Variants in ATP6V1G1 observed in about 807,000 individuals in gnomAD.
The protein encoded by ATP6V1G1 is ATPase H+ transporting V1 subunit G1.
A neutral mutation model predicts 14.2 loss-of-function variants in ATP6V1G1; 14 were observed. That is an observed-to-expected ratio of 0.99 (90% CI 0.65 to 1.55). The LOEUF (loss-of-function observed/expected upper bound fraction) is 1.55. Among genes scored for constraint, ATP6V1G1 ranks in the 40% most tolerant of loss-of-function variants. The pLI is 0.00. For missense variants in ATP6V1G1, 137 were observed against 146.4 expected (o/e 0.94, Z 0.33); for synonymous variants, 65 against 53.3 (o/e 1.22, Z -0.96).
intron 2 of ATP6V1G1, among the ~76,000 whole-genome samples, chr9:114,594,739 C>T (rs1464011218): frequency 6.6e-6 from 1 of 152,054 alleles, no homozygotes; most frequent in East Asian, 1.9e-4. Context: ...TAGGAGGTCC[C>T]AATGACATGT....
rs1367483623 is a variant in ATP6V1G1, at chr9:114,587,833, G to T, written c.-6G>T. The T allele has an allele frequency of 1.3e-6, 2 of 1,584,908 alleles. No individual in the cohort carries two copies. The highest frequency in any genetic ancestry group is 1.2e-5 in the South Asian group (1 of 86,762). ...CGCTTGCCTTGCTCTCAGAATCGCTGCCGCCATGGCTAGTCAGTCTCAGGG... is the reference window on the plus strand; with the variant it reads ...CGCTTGCCTTGCTCTCAGAATCGCTTCCGCCATGGCTAGTCAGTCTCAGGG... On this transcript the variant is annotated 5_prime_UTR_variant, in exon 1 of 3. Transcript: ENST00000374050.
At chr9:114,594,984 C>T (rs904629250) in intron 2 of ATP6V1G1, among the ~76,000 whole-genome samples, 1 of 150,786 alleles carries the variant, frequency 6.6e-6, no homozygotes, top group Non-Finnish European at 1.5e-5. Context: ...CTCAGCCTCC[C>T]AAGTAGCTGG....
intron 2 of ATP6V1G1, among the ~76,000 whole-genome samples, chr9:114,593,335 C>T (rs1845202992): frequency 6.6e-6 from 1 of 152,108 alleles, no homozygotes; most frequent in South Asian, 2.1e-4. Context: ...AAATAATATG[C>T]TCAGGACTTT....
intron 1 of ATP6V1G1, 74 bp from the exon 2 acceptor site, chr9:114,592,478 A>T: frequency 7.3e-7 from 1 of 1,368,184 alleles, no homozygotes; most frequent in Non-Finnish European, 1.0e-6. Flanking sequence ...TTATTGTTAT[A>T]ATATACCATC....
In ATP6V1G1 at chr9:114,587,936, G is replaced by A. The variant is rs764607331; in HGVS notation, c.82+16G>A. On this transcript the variant is annotated intron_variant, in intron 1 of 2. Coordinates refer to ENST00000374050, the MANE Select transcript of ATP6V1G1 (RefSeq NM_004888.4). ...GCCCGCAAAAGTGAGTTTCAGGGTG[G>A]GGCTGCCCGGCGTGGCGCGAGTCGA... 1.9e-6 allele frequency: 3 copies of A among 1,561,380 alleles called. No individual in the cohort carries two copies. Among genetic ancestry groups the A allele is most frequent in the African/African-American group, 2.7e-5 (2 of 73,870 alleles).
intron 2 of ATP6V1G1, among the ~76,000 whole-genome samples, chr9:114,596,229 GA>G (rs1017386495): frequency 6.6e-6 from 1 of 151,040 alleles, no homozygotes; most frequent in Non-Finnish European, 1.5e-5. Context: ...TAAAAACACA[GA>G]AAAAAAAATT....
Position 114,597,679 on chromosome 9 carries a change from A to T in ATP6V1G1, c.293A>T (p.Asn98Ile). The change falls in exon 3 of 3, where the codon AAC becomes ATC. Residue 98 changes from asparagine to isoleucine, a missense_variant. Coordinates refer to ENST00000374050, the MANE Select transcript of ATP6V1G1 (RefSeq NM_004888.4). The stretch of plus-strand genomic sequence containing the variant: ...CAGAACAGGGATGAAGTCTTGGACA[A>T]CCTCTTGGCTTTTGTCTGTGACATT... ...FRQNRDEVLD[N>I]LLAFVCDIRP... 6.3e-7 allele frequency: 1 copy of T among 1,594,514 alleles called. No homozygotes were observed. Among genetic ancestry groups the T allele is most frequent in the Non-Finnish European group, 8.5e-7 (1 of 1,172,716 alleles).
chr9:114,594,861 CTT>C (rs71997716), intron 2 of ATP6V1G1, among the ~76,000 whole-genome samples: 63,847 of 110,168 alleles, frequency 0.58, 16,686 homozygotes, highest in South Asian at 0.65. Context: ...TTCTTTTTTT[CTT>C]TTTTTTTTTT....
chr9:114,590,235 A>C (rs1845169925), intron 1 of ATP6V1G1, among the ~76,000 whole-genome samples: 2 of 148,758 alleles, frequency 1.3e-5, no homozygotes. Context: ...CCAAAGTATT[A>C]GTTTATGGCT....
At chr9:114,592,747 C>T (rs758347722) in intron 2 of ATP6V1G1, 95 bp downstream of exon 2, 28 of 1,315,090 alleles carry the variant, frequency 2.1e-5, no homozygotes, top group Middle Eastern at 1.9e-4. Context: ...AGATCCTGGT[C>T]GAAGTTTGAA....
intron 2 of ATP6V1G1, among the ~76,000 whole-genome samples, chr9:114,595,351 T>C (rs1319832940): frequency 1.3e-5 from 2 of 152,126 alleles, no homozygotes; most frequent in Non-Finnish European, 2.9e-5. Flanking sequence ...TGAACAGTTA[T>C]AGTATAGTAT....
rs1845258087 is a variant in ATP6V1G1 at position 114,597,968 on chromosome 9, A to G, written c.*225A>G. 3.0e-6 allele frequency: 1 copy of G among 329,994 alleles called. No individual in the cohort carries two copies. Among genetic ancestry groups the G allele is most frequent in the Non-Finnish European group, 5.2e-6 (1 of 190,708 alleles). The allele number at this position is 329,994 out of a possible 1,614,324, so 20.4% of individuals were successfully genotyped here. ...TTACCTCATATTTCTTAGGAATTTA[A>G]TGGTTATATGTTGTCTTTTTTTCCT... On this transcript the variant is annotated 3_prime_UTR_variant, in exon 3 of 3. Coordinates refer to ENST00000374050, the MANE Select transcript of ATP6V1G1 (RefSeq NM_004888.4).
chr9:114,588,220 C>T (rs1845146804), intron 1 of ATP6V1G1: 1 of 398,182 alleles, frequency 2.5e-6, no homozygotes, highest in African/African-American at 2.1e-5. Context: ...TTCTCTCCCA[C>T]TTAACCGCTC....
In ATP6V1G1 at chr9:114,597,609, A is replaced by G; in HGVS notation, c.223A>G (p.Lys75Glu). The G allele has an allele frequency of 6.4e-7, 1 of 1,557,620 alleles. No individual in the cohort carries two copies. Among genetic ancestry groups the G allele is most frequent in the East Asian group, 2.4e-5 (1 of 41,418 alleles). ...SRGSCSTEVE[K>E]ETQEKMTILQ... is the part of the protein sequence containing the mutation. ...TGGCAGTTGCAGCACTGAAGTGGAGAAGGAGACCCAGGAGAAGATGACCAT... is the reference window on the plus strand; with the variant it reads ...TGGCAGTTGCAGCACTGAAGTGGAGGAGGAGACCCAGGAGAAGATGACCAT... Residue 75 changes from lysine (K) to glutamate (E), a missense_variant, in exon 3 of 3, where the codon AAG becomes GAG. Transcript: ENST00000374050.
chr9:114,597,507 T>C, intron 2 of ATP6V1G1, 63 bp from the exon 3 acceptor site: 1 of 1,380,228 alleles, frequency 7.2e-7, no homozygotes, highest in African/African-American at 1.5e-5. Context: ...GCTTACGAAA[T>C]GTACCTGACC....
Position 114,587,830 on chromosome 9 carries a change from G to T in ATP6V1G1, c.-9G>T, listed in dbSNP as rs376989726. The T allele has an allele frequency of 7.6e-5, 120 of 1,582,160 alleles. No individual in the cohort carries two copies. The highest frequency in any genetic ancestry group is 8.8e-5 in the Non-Finnish European group (102 of 1,164,244). ...GGCCGCTTGCCTTGCTCTCAGAATC[G>T]CTGCCGCCATGGCTAGTCAGTCTCA... On this transcript the variant is annotated 5_prime_UTR_variant, in exon 1 of 3. Coordinates refer to ENST00000374050, the MANE Select transcript of ATP6V1G1 (RefSeq NM_004888.4).
chr9:114,595,591 T>C (rs1845229744), intron 2 of ATP6V1G1, among the ~76,000 whole-genome samples: 2 of 152,152 alleles, frequency 1.3e-5, no homozygotes, highest in Non-Finnish European at 1.5e-5. Flanking sequence ...GAGGTGGAGA[T>C]TGCAGTGAGC....
chr9:114,587,944 C>T, intron 1 of ATP6V1G1, 24 bp downstream of exon 1: 3 of 1,555,704 alleles, frequency 1.9e-6, no homozygotes, highest in Non-Finnish European at 2.6e-6. Flanking sequence ...TGGGGCTGCC[C>T]GGCGTGGCGC....
chr9:114,590,868 T>C (rs576411409), intron 1 of ATP6V1G1, among the ~76,000 whole-genome samples: 1 of 152,334 alleles, frequency 6.6e-6, no homozygotes, highest in African/African-American at 2.4e-5. Flanking sequence ...TGATCTCGGC[T>C]CACTACAATC....
Sources: allele counts gnomAD v4.1 joint callset (sites outside exome capture counted in the v4.1 genomes callset), GRCh38; gene constraint gnomAD v4.1.1; transcripts MANE v1.5; gene names NCBI Gene and HGNC (gene_info 2026-07-23, HGNC 2026-07-21).